TRIO: variants seen among roughly 807,000 people sequenced by gnomAD.
TRIO encodes triple functional domain protein.
A neutral mutation model predicts 351.9 loss-of-function variants in TRIO; 58 were observed. The ratio of observed to expected loss-of-function variants is 0.16; its 90% CI spans 0.13 to 0.21. The LOEUF (loss-of-function observed/expected upper bound fraction) is 0.21. Among genes scored for constraint, TRIO ranks in the 10% least tolerant of loss-of-function variants. TRIO has a pLI of 1.00. For synonymous variants in TRIO, 1,758 were observed against 1,595.7 expected, an observed-to-expected ratio of 1.10 and a Z score of -2.42; for missense variants, 3,201 against 4,027.8, an observed-to-expected ratio of 0.79 and a Z score of 5.56.
chr5:14,320,266 G>A (rs1298145105), intron 9 of TRIO, among the ~76,000 whole-genome samples: 1 of 152,156 alleles, frequency 6.6e-6, no homozygotes, highest in South Asian at 2.1e-4. Flanking sequence ...CTCTAGGAAG[G>A]TAACTCATTT....
At chr5:14,168,142 A>G (rs1291597498) in intron 1 of TRIO, among the ~76,000 whole-genome samples, 1 of 152,224 alleles carries the variant, frequency 6.6e-6, no homozygotes, top group Non-Finnish European at 1.5e-5. Flanking sequence ...ATAGCTGTGA[A>G]AAATGGCGGT....
intron 34 of TRIO, among the ~76,000 whole-genome samples, chr5:14,423,394 A>G (rs1750345659): frequency 6.6e-6 from 1 of 152,218 alleles, no homozygotes; most frequent in Admixed American, 6.5e-5. Context: ...AGTAAATCCA[A>G]GTTCTCTTTC....
chr5:14,194,357 C>T (rs1790634390), intron 1 of TRIO, among the ~76,000 whole-genome samples: 3 of 152,050 alleles, frequency 2.0e-5, no homozygotes, highest in African/African-American at 4.8e-5. Flanking sequence ...ACATAAGGCT[C>T]GTATTATGTG....
chr5:14,422,588 T>C (rs751002709), intron 34 of TRIO, among the ~76,000 whole-genome samples: 1 of 152,234 alleles, frequency 6.6e-6, no homozygotes, highest in Non-Finnish European at 1.5e-5. Flanking sequence ...TGAGCCGTGC[T>C]CAGGTTCACG....
Position 14,498,257 on chromosome 5 carries a change from G to GGA in TRIO, c.8210+8_8210+9dup, listed in dbSNP as rs1041216313. On this transcript the variant is annotated splice_region_variant and intron_variant, in intron 52 of 56. Coordinates refer to ENST00000344204, the MANE Select transcript of TRIO (RefSeq NM_007118.4). ...CACTACAGCATCTCCTACAGGTGAG[G>GGA]GAGGCCCACTCCTGGTGGGTTTCGC... is the stretch of plus-strand genomic sequence containing the variant. 1 of 1,612,834 alleles carries GGA rather than the reference G, an allele frequency of 6.2e-7. No individual in the cohort carries two copies. Among genetic ancestry groups the GGA allele is most frequent in the Non-Finnish European group, 8.5e-7 (1 of 1,179,012 alleles).
intron 34 of TRIO, among the ~76,000 whole-genome samples, chr5:14,422,016 A>G (rs940272907): frequency 1.3e-5 from 2 of 152,300 alleles, no homozygotes; most frequent in Non-Finnish European, 2.9e-5. Flanking sequence ...AGACATTGGC[A>G]TGTGCCGGCC....
chr5:14,313,992 C>G (rs1239196548), intron 8 of TRIO, among the ~76,000 whole-genome samples: 1 of 152,184 alleles, frequency 6.6e-6, no homozygotes, highest in African/African-American at 2.4e-5. Flanking sequence ...AAGCAGCTGT[C>G]AGTTTCTGGC....
intron 1 of TRIO, among the ~76,000 whole-genome samples, chr5:14,192,223 T>C (rs1327897952): frequency 6.6e-6 from 1 of 152,134 alleles, no homozygotes; most frequent in Non-Finnish European, 1.5e-5. Context: ...TTATTTATTT[T>C]ACAAACTCTT....
At chr5:14,489,781 G>A (rs1756342565) in intron 48 of TRIO, among the ~76,000 whole-genome samples, 2 of 152,222 alleles carry the variant, frequency 1.3e-5, no homozygotes, top group South Asian at 2.1e-4. Flanking sequence ...AGGCCAAGGC[G>A]CAATCTGCAA....
chr5:14,167,819 C>T (rs1788861377), intron 1 of TRIO, among the ~76,000 whole-genome samples: 1 of 152,214 alleles, frequency 6.6e-6, no homozygotes, highest in Admixed American at 6.5e-5. Flanking sequence ...TCACTAGTCC[C>T]CCTGACCCAC....
intron 42 of TRIO, 130 bp from the exon 43 acceptor site, chr5:14,479,789 G>C: frequency 1.3e-6 from 1 of 753,948 alleles, no homozygotes; most frequent in East Asian, 2.7e-5. Flanking sequence ...CAAAGCTCTA[G>C]TTAGTCTAGT....
At position 14,462,930 on chromosome 5, in the gene TRIO, AG is replaced by A; in HGVS notation, c.5667+10del. 2 of 1,577,274 alleles carry A rather than the reference AG, an allele frequency of 1.3e-6. No individual in the cohort carries two copies. Among genetic ancestry groups the A allele is most frequent in the Non-Finnish European group, 1.7e-6 (2 of 1,163,146 alleles). On this transcript the variant is annotated splice_donor_region_variant and intron_variant, in intron 36 of 56. Coordinates refer to ENST00000344204, the MANE Select transcript of TRIO (RefSeq NM_007118.4). ...CCAGACTCACAGGATGACAAGGTAA[AG>A]GGGGATGAGGGCTGGGGAATCCATG...
chr5:14,190,116 A>G (rs1790368403), intron 1 of TRIO, among the ~76,000 whole-genome samples: 1 of 152,110 alleles, frequency 6.6e-6, no homozygotes, highest in Non-Finnish European at 1.5e-5. Context: ...GTCTATAGAG[A>G]TGGAAAGTTA....
At chr5:14,451,951 G>T (rs555766903) in intron 34 of TRIO, among the ~76,000 whole-genome samples, 2 of 152,220 alleles carry the variant, frequency 1.3e-5, no homozygotes, top group African/African-American at 2.4e-5. Flanking sequence ...AAAATCCTTT[G>T]GGGGAGACAG....
Position 14,143,803 on chromosome 5 carries a change from G to C in TRIO, c.78G>C (p.Ser26=). Residue 26 remains serine (S), a synonymous_variant, in exon 1 of 57, where the codon TCG becomes TCC. Transcript: ENST00000344204. ...GPAAAASAAG[S]GCGGGAGEGA... ...CCGCGGCGGCCAGCGCGGCTGGCTC[G>C]GGCTGCGGGGGCGGTGCCGGCGAGG... 1.9e-6 allele frequency: 2 copies of C among 1,049,500 alleles called. No individual in the cohort carries two copies. The highest frequency in any genetic ancestry group is 2.3e-6 in the Non-Finnish European group (2 of 873,436). 65.0% of individuals were successfully genotyped at this position (1,049,500 alleles called of 1,614,324 possible). A position where few individuals can be genotyped will look rare whatever the true frequency, so the allele number is the denominator to read the frequency against.
chr5:14,355,181 C>G (rs987257177), intron 11 of TRIO, among the ~76,000 whole-genome samples: 5 of 152,184 alleles, frequency 3.3e-5, no homozygotes, highest in African/African-American at 1.2e-4. Context: ...GTAGAAATGT[C>G]CATGGATTGG....
chr5:14,506,002 G>A (rs984916785), intron 55 of TRIO, among the ~76,000 whole-genome samples: 1 of 152,204 alleles, frequency 6.6e-6, no homozygotes, highest in African/African-American at 2.4e-5. Flanking sequence ...TGGCTTTGGA[G>A]GGTTGTCGTG....
At chr5:14,419,672 T>C in intron 33 of TRIO, 106 bp from the exon 34 acceptor site, 2 of 1,511,024 alleles carry the variant, frequency 1.3e-6, no homozygotes, top group Non-Finnish European at 1.8e-6. Flanking sequence ...CTCAGCTCAC[T>C]CCGGGGCAGG....
chr5:14,178,240 G>A (rs1224621758), intron 1 of TRIO, among the ~76,000 whole-genome samples: 1 of 152,198 alleles, frequency 6.6e-6, no homozygotes, highest in Non-Finnish European at 1.5e-5. Flanking sequence ...ATTTTTAAGA[G>A]AGGTCATTTG....
Sources: allele counts gnomAD v4.1 joint callset (sites outside exome capture counted in the v4.1 genomes callset), GRCh38; gene constraint gnomAD v4.1.1; transcripts MANE v1.5; gene names NCBI Gene and HGNC (gene_info 2026-07-23, HGNC 2026-07-21).